The following DHX30 variants were observed in gnomAD, a reference collection of about 807,000 sequenced individuals.
DHX30 encodes the protein DExH-box helicase 30, also known as ATP-dependent RNA helicase DHX30.
DHX30 carries 4 observed loss-of-function variants against 116.9 expected under a neutral mutation model. The ratio of observed to expected loss-of-function variants is 0.03; its 90% confidence interval spans 0.02 to 0.08. The LOEUF is 0.08. Ranked by LOEUF, DHX30 falls within the 10% of genes least tolerant of loss-of-function variation. The pLI is 1.00. For synonymous variants in DHX30, 697 were observed against 651.7 expected, an observed-to-expected ratio of 1.07 and a Z score of -1.06; for missense variants, 871 against 1,595.1, an observed-to-expected ratio of 0.55 and a Z score of 7.73.
At position 47,845,882 on chromosome 3, in the gene DHX30, T is replaced by C. The variant is rs780919567; in HGVS notation, c.1092+30T>C. 6 of 1,579,966 alleles carry C rather than the reference T, an allele frequency of 3.8e-6. No individual in the cohort carries two copies. The Admixed American group carries it at 7.0e-5, about 18-fold the overall frequency. On this transcript the variant is annotated intron_variant, in intron 10 of 21. Transcript: ENST00000445061. Reference sequence around the variant, plus strand: ...GAGGCCCTGCATCCCTCACCACCCCTGCTCCCTGTAGTCTGCCTCCATCTC... The same window carrying C: ...GAGGCCCTGCATCCCTCACCACCCCCGCTCCCTGTAGTCTGCCTCCATCTC...
At position 47,820,919 on chromosome 3, in the gene DHX30, T is replaced by TG. The variant is rs398038728; in HGVS notation, c.124+2803dup. Among the ~76,000 whole-genome samples, 14 of 151,250 alleles carry TG rather than the reference T, an allele frequency of 9.3e-5. No homozygotes were observed. In the Middle Eastern group the frequency reaches 0.017, roughly 184 times the overall value. ...GTAAGGCTCTCTCTTTTTTTTTTTTTGCCTTTGTTTTATTTCTTCTTTCTA... is the reference window on the plus strand; with the variant it reads ...GTAAGGCTCTCTCTTTTTTTTTTTTTGGCCTTTGTTTTATTTCTTCTTTCTA... On this transcript the variant is annotated intron_variant, in intron 4 of 21. Transcript: ENST00000445061.
chr3:47,833,597 T>C (rs2036967842), intron 6 of DHX30, among the ~76,000 whole-genome samples: 3 of 149,764 alleles, frequency 2.0e-5, no homozygotes, highest in African/African-American at 7.4e-5. Flanking sequence ...CGCTGGCTCA[T>C]GCCTGTAATC....
intron 3 of DHX30, among the ~76,000 whole-genome samples, chr3:47,811,895 C>A (rs2035804662): frequency 6.6e-6 from 1 of 151,904 alleles, no homozygotes; most frequent in African/African-American, 2.4e-5. Context: ...GAAACCCCAT[C>A]TCTACTAAAA....
At chr3:47,845,486 C>T (rs2037565404) in intron 9 of DHX30, 1 of 510,674 alleles carries the variant, frequency 2.0e-6, no homozygotes, top group Non-Finnish European at 3.1e-6. Flanking sequence ...CGCGCCCGGC[C>T]TGAATTAACT....
At chr3:47,815,211 C>T (rs375398767) in intron 3 of DHX30, among the ~76,000 whole-genome samples, 68 of 152,308 alleles carry the variant, frequency 4.5e-4, no homozygotes, top group East Asian at 1.7e-3. Context: ...TGTTTCCTAC[C>T]TGCTATCTTC....
At chr3:47,819,131 C>A (rs1358349303) in intron 4 of DHX30, 10 of 981,094 alleles carry the variant, frequency 1.0e-5, no homozygotes, top group African/African-American at 1.7e-5. Context: ...GCCCCCTGAC[C>A]ATTTGACTTA....
chr3:47,822,461 G>T (rs1244571663), intron 4 of DHX30, among the ~76,000 whole-genome samples: 1 of 97,140 alleles, frequency 1.0e-5, no homozygotes, highest in Non-Finnish European at 2.6e-5. Context: ...TTACATGGTG[G>T]CAGACAAGAG....
In DHX30 at chr3:47,818,104, G is replaced by T; in HGVS notation, c.111G>T (p.Gly37=). 1 of 780,908 alleles carries T rather than the reference G, an allele frequency of 1.3e-6. No individual in the cohort carries two copies. The highest frequency in any genetic ancestry group is 2.4e-6 in the Non-Finnish European group (1 of 418,036). 48.4% of individuals were successfully genotyped at this position (780,908 alleles called of 1,614,324 possible). ...TGTGTGTCAACCCTACCCCAGGAGG[G>T]ACCATCTCTCGAGGTAAGGGAGGAG... ...PPMCVNPTPG[G]TISRASRDLL... Residue 37 remains glycine (G), a synonymous_variant, in exon 4 of 22, where the codon GGG becomes GGT. Transcript: ENST00000445061.
intron 7 of DHX30, among the ~76,000 whole-genome samples, 172 bp from the exon 8 acceptor site, chr3:47,841,445 A>T (rs572650252): frequency 6.6e-6 from 1 of 152,204 alleles, no homozygotes; most frequent in African/African-American, 2.4e-5. Context: ...AGCAGTCCCC[A>T]TGCAGTGTGG....
At chr3:47,826,979 TTTGC>T (rs1292072424) in intron 4 of DHX30, among the ~76,000 whole-genome samples, 21 of 152,310 alleles carry the variant, frequency 1.4e-4, no homozygotes, top group African/African-American at 3.8e-4. Context: ...TTTTGTATTT[TTTGC>T]TTGCTTGTTT....
chr3:47,829,314 A>ATATATTTT (rs1177077114), intron 6 of DHX30, among the ~76,000 whole-genome samples, 180 bp downstream of exon 6: 2 of 34,192 alleles, frequency 5.8e-5, no homozygotes, highest in African/African-American at 2.3e-4. Flanking sequence ...ATATATATAT[A>ATATATTTT]TTTTTTTTTT....
chr3:47,840,824 G>A (rs1311939011), intron 6 of DHX30, 53 bp from the exon 7 acceptor site: 8 of 1,609,150 alleles, frequency 5.0e-6, no homozygotes, highest in South Asian at 4.4e-5. Flanking sequence ...GGACCAGGCC[G>A]ACTGAGGTGT....
At chr3:47,835,688 C>T (rs1014163965) in intron 6 of DHX30, among the ~76,000 whole-genome samples, 5 of 151,930 alleles carry the variant, frequency 3.3e-5, no homozygotes, top group African/African-American at 4.8e-5. Context: ...GTGGTCCACC[C>T]GCCTCAGCCT....
At chr3:47,809,234 CTTTTTTTTTTTTTTTTT>C (rs71070231) in intron 2 of DHX30, among the ~76,000 whole-genome samples, 1 of 63,502 alleles carries the variant, frequency 1.6e-5, no homozygotes, top group African/African-American at 7.8e-5. Flanking sequence ...AATGTAACTT[CTTTTTTTTTTTTTTTTT>C]TTTTTTTTGA....
chr3:47,816,240 A>C (rs1265541394), intron 3 of DHX30: 2 of 985,258 alleles, frequency 2.0e-6, no homozygotes, highest in African/African-American at 3.5e-5. Context: ...TGCAACTGCA[A>C]CTTTTTGACC....
intron 6 of DHX30, among the ~76,000 whole-genome samples, chr3:47,834,745 C>T (rs2037027883): frequency 6.6e-6 from 1 of 152,178 alleles, no homozygotes; most frequent in Non-Finnish European, 1.5e-5. Context: ...CAGGCATGAG[C>T]CACTGCACCT....
chr3:47,807,547 C>T (rs1288116268), intron 2 of DHX30, among the ~76,000 whole-genome samples: 2 of 150,600 alleles, frequency 1.3e-5, no homozygotes, highest in African/African-American at 4.9e-5. Context: ...ACTAAAAATC[C>T]AAAAAAATTT....
At chr3:47,804,196 G>GCC (rs1275312027) in intron 1 of DHX30, among the ~76,000 whole-genome samples, 2 of 152,192 alleles carry the variant, frequency 1.3e-5, no homozygotes, top group African/African-American at 4.8e-5. Context: ...TTCTACCGGT[G>GCC]TTGGCTCTTT....
intron 6 of DHX30, among the ~76,000 whole-genome samples, chr3:47,834,893 A>G (rs2037034284): frequency 6.6e-6 from 1 of 152,242 alleles, no homozygotes; most frequent in African/African-American, 2.4e-5. Context: ...GAGTGCAGAC[A>G]TCCCTATGAG....
Sources: gnomAD v4.1 joint callset for allele counts (sites outside exome capture counted in the v4.1 genomes callset) on GRCh38, gnomAD v4.1.1 for gene constraint, MANE v1.5 for transcripts, NCBI Gene and HGNC (gene_info 2026-07-23, HGNC 2026-07-21) for gene names.